Variants in SLC16A10 observed in about 807,000 individuals in gnomAD.
SLC16A10 encodes solute carrier family 16 member 10.
A neutral mutation model predicts 40.0 loss-of-function variants in SLC16A10; 27 were observed. The ratio of observed to expected loss-of-function variants is 0.67; its 90% CI spans 0.50 to 0.93. SLC16A10 has a LOEUF of 0.93. Among genes scored for constraint, SLC16A10 ranks in the 40% least tolerant of loss-of-function variants. The pLI, the probability that SLC16A10 is intolerant of heterozygous loss-of-function variation, is 0.00. For missense variants in SLC16A10, 529 were observed against 658.2 expected, an observed-to-expected ratio of 0.80 and a Z score of 2.15; for synonymous variants, 213 against 249.8, an observed-to-expected ratio of 0.85 and a Z score of 1.39.
chr6:111,131,768 G>C (rs1771787702), intron 1 of SLC16A10, among the ~76,000 whole-genome samples: 1 of 152,206 alleles, frequency 6.6e-6, no homozygotes, highest in Non-Finnish European at 1.5e-5. Context: ...GCAGAAAGCT[G>C]TTGTCCTGAA....
At chr6:111,093,413 G>C (rs1403628146) in intron 1 of SLC16A10, among the ~76,000 whole-genome samples, 1 of 152,170 alleles carries the variant, frequency 6.6e-6, no homozygotes, top group African/African-American at 2.4e-5. Context: ...GAATCTTGCA[G>C]CACCTCTCCA....
intron 1 of SLC16A10, among the ~76,000 whole-genome samples, chr6:111,157,990 T>C (rs1215424954): frequency 2.6e-5 from 4 of 151,950 alleles, no homozygotes; most frequent in Non-Finnish European, 4.4e-5. Context: ...GACTTTCTTA[T>C]TTGAAAGCAT....
intron 3 of SLC16A10, among the ~76,000 whole-genome samples, chr6:111,203,946 T>C (rs1197123921): frequency 6.6e-6 from 1 of 151,878 alleles, no homozygotes; most frequent in Non-Finnish European, 1.5e-5. Flanking sequence ...GTGTTCTTAG[T>C]TTCATAAAAA....
chr6:111,193,343 A>AT, intron 3 of SLC16A10: 1 of 985,552 alleles, frequency 1.0e-6, no homozygotes, highest in Non-Finnish European at 1.2e-6. Flanking sequence ...CAATTTGCCC[A>AT]TTTATCAGTT....
At chr6:111,155,272 G>C (rs943497779) in intron 1 of SLC16A10, among the ~76,000 whole-genome samples, 9 of 151,174 alleles carry the variant, frequency 6.0e-5, no homozygotes, top group African/African-American at 1.5e-4. Context: ...CATGATCATG[G>C]CTCACTGCAG....
intron 1 of SLC16A10, among the ~76,000 whole-genome samples, chr6:111,098,898 G>A (rs546197671): frequency 1.1e-4 from 17 of 152,306 alleles, no homozygotes; most frequent in Non-Finnish European, 2.1e-4. Flanking sequence ...TTGACTGTAA[G>A]TACACTTCCC....
intron 1 of SLC16A10, among the ~76,000 whole-genome samples, chr6:111,128,323 A>G (rs528662293): frequency 6.6e-6 from 1 of 152,270 alleles, no homozygotes; most frequent in African/African-American, 2.4e-5. Context: ...CAGAGTGGTT[A>G]ATTAATCTGT....
At chr6:111,219,733 T>A (rs896966620) in intron 5 of SLC16A10, among the ~76,000 whole-genome samples, 10 of 152,104 alleles carry the variant, frequency 6.6e-5, no homozygotes, top group African/African-American at 2.4e-4. Context: ...GAACTGATGC[T>A]ACCAGGTGAA....
chr6:111,097,870 T>C (rs1329428251), intron 1 of SLC16A10, among the ~76,000 whole-genome samples: 1 of 152,084 alleles, frequency 6.6e-6, no homozygotes, highest in Non-Finnish European at 1.5e-5. Context: ...AAATGAAAGG[T>C]CAATGATTAA....
chr6:111,202,112 C>A (rs1773176332), intron 3 of SLC16A10, among the ~76,000 whole-genome samples: 1 of 152,196 alleles, frequency 6.6e-6, no homozygotes, highest in South Asian at 2.1e-4. Flanking sequence ...TGCCTGAGAC[C>A]TCTCAAACAG....
At chr6:111,162,668 T>G (rs888496648) in intron 1 of SLC16A10, among the ~76,000 whole-genome samples, 2 of 152,188 alleles carry the variant, frequency 1.3e-5, no homozygotes, top group African/African-American at 4.8e-5. Flanking sequence ...TCACAAATAG[T>G]TTCCAAGTTC....
At chr6:111,119,917 A>G (rs1771554301) in intron 1 of SLC16A10, among the ~76,000 whole-genome samples, 2 of 152,234 alleles carry the variant, frequency 1.3e-5, no homozygotes, top group Admixed American at 6.5e-5. Flanking sequence ...TCCAGACCCA[A>G]TTTGTATGAT....
chr6:111,218,090 A>G (rs1204097471), intron 4 of SLC16A10, among the ~76,000 whole-genome samples: 5 of 152,180 alleles, frequency 3.3e-5, no homozygotes, highest in Admixed American at 3.3e-4. Context: ...ATTTATCTAT[A>G]ATCTCTGCCA....
intron 1 of SLC16A10, among the ~76,000 whole-genome samples, chr6:111,147,222 AAT>A (rs1772095822): frequency 6.6e-6 from 1 of 152,234 alleles, no homozygotes; most frequent in African/African-American, 2.4e-5. Context: ...ACCTCATTAA[AAT>A]AGTTACATGA....
rs779796347 is a variant in SLC16A10 at position 111,206,713 on chromosome 6, G to A, written c.1064G>A (p.Gly355Asp). 1 of 1,614,138 alleles carries A rather than the reference G, an allele frequency of 6.2e-7. No individual in the cohort carries two copies. The highest frequency in any genetic ancestry group is 8.5e-7 in the Non-Finnish European group (1 of 1,180,034). Residue 355 changes from glycine to aspartate, a missense_variant, in exon 4 of 6, where the codon GGT (glycine) becomes GAT (aspartate). Gly to Asp is a moderately conservative substitution (Grantham distance 94, BLOSUM62 -1). Transcript: ENST00000368851. ...LFGRIADYVP[G>D]VKKVYLQVLS... ...GGCCGGATTGCAGATTATGTGCCTG[G>A]TGTGAAGAAGGTTTATCTACAGGTA...
At chr6:111,096,152 C>T (rs75609740) in intron 1 of SLC16A10, among the ~76,000 whole-genome samples, 2,912 of 152,226 alleles carry the variant, frequency 0.019, 30 homozygotes, top group Non-Finnish European at 0.028. Context: ...ACTCCTGTCC[C>T]CAGCCTGAAA....
chr6:111,169,542 G>A lies in SLC16A10; in HGVS notation c.344-3153G>A, dbSNP rs1221410672. On this transcript the variant is annotated intron_variant, in intron 1 of 5. Transcript: ENST00000368851. ...TGGAAAGATCCGACAGCTAGGGTTG[G>A]TGTAAAGTCGTGGAAGAGAAGAAAA... Among the ~76,000 whole-genome samples the A allele has an allele frequency of 2.0e-5, 3 of 152,240 alleles. No homozygotes were observed. The East Asian group carries it at 5.8e-4, about 29-fold the overall frequency.
chr6:111,139,736 C>T (rs1299444413), intron 1 of SLC16A10, among the ~76,000 whole-genome samples: 2 of 152,206 alleles, frequency 1.3e-5, no homozygotes, highest in Non-Finnish European at 2.9e-5. Flanking sequence ...TGAACATTCA[C>T]GTGCATGTGT....
chr6:111,123,168 G>T (rs1172439094), intron 1 of SLC16A10, among the ~76,000 whole-genome samples: 1 of 152,098 alleles, frequency 6.6e-6, no homozygotes, highest in South Asian at 2.1e-4. Flanking sequence ...TCCTGTCGGG[G>T]TTGATCTCTG....
Sources: gnomAD v4.1 joint callset for allele counts (sites outside exome capture counted in the v4.1 genomes callset) on GRCh38, gnomAD v4.1.1 for gene constraint, MANE v1.5 for transcripts, NCBI Gene and HGNC (gene_info 2026-07-23, HGNC 2026-07-21) for gene names.